The following SGSM1 variants were observed in gnomAD, a reference collection of about 807,000 sequenced individuals.
SGSM1 encodes the protein small G protein signaling modulator 1.
SGSM1 carries 73 observed loss-of-function variants against 133.8 expected under a neutral mutation model. The observed-to-expected ratio is 0.55, with a 90% confidence interval of 0.45 to 0.66. The LOEUF (loss-of-function observed/expected upper bound fraction) is 0.66, where lower values mean the gene tolerates loss of function less well. Among genes scored for constraint, SGSM1 ranks in the 30% least tolerant of loss-of-function variants. The pLI is 0.00. For missense variants in SGSM1, 1,213 were observed against 1,448.1 expected (o/e 0.84, Z 2.64); for synonymous variants, 563 against 573.0 (o/e 0.98, Z 0.25).
chr22:24,917,150 C>T (rs889101032), intron 22 of SGSM1, among the ~76,000 whole-genome samples: 5 of 151,102 alleles, frequency 3.3e-5, no homozygotes, highest in East Asian at 1.9e-4. Context: ...GCCTTGGCCT[C>T]GCAAAGTGCT....
intron 2 of SGSM1, among the ~76,000 whole-genome samples, chr22:24,807,222 G>A (rs974326436): frequency 6.6e-6 from 1 of 152,150 alleles, no homozygotes; most frequent in Non-Finnish European, 1.5e-5. Context: ...AGAATTTATA[G>A]TCCTTGGGGT....
At chr22:24,855,178 TTCTAGCTGGC>T in intron 6 of SGSM1, 97 bp from the exon 7 acceptor site, 1 of 1,549,638 alleles carries the variant, frequency 6.5e-7, no homozygotes, top group South Asian at 1.2e-5. Context: ...TGCAGCACTG[TTCTAGCTGGC>T]TGGAGGGGAG....
intron 2 of SGSM1, among the ~76,000 whole-genome samples, chr22:24,816,768 A>G (rs768159699): frequency 7.9e-5 from 12 of 152,086 alleles, no homozygotes; most frequent in Admixed American, 2.6e-4. Flanking sequence ...GTCTCTTGCC[A>G]TCTCTCTGCA....
At chr22:24,872,697 T>G (rs937915976) in intron 12 of SGSM1, among the ~76,000 whole-genome samples, 1 of 152,094 alleles carries the variant, frequency 6.6e-6, no homozygotes, top group Non-Finnish European at 1.5e-5. Flanking sequence ...GGCAGGCAGA[T>G]CACGAGGTCA....
At chr22:24,883,335 T>C (rs922877858) in intron 14 of SGSM1, among the ~76,000 whole-genome samples, 6 of 152,194 alleles carry the variant, frequency 3.9e-5, no homozygotes, top group African/African-American at 1.4e-4. Flanking sequence ...TGGATAAATA[T>C]TCAGCTGCAA....
At chr22:24,869,636 T>C (rs1931666114) in intron 12 of SGSM1, among the ~76,000 whole-genome samples, 1 of 152,208 alleles carries the variant, frequency 6.6e-6, no homozygotes, top group Non-Finnish European at 1.5e-5. Context: ...AAAGATTCAA[T>C]GAGATGATGA....
chr22:24,855,133 A>T (rs1569149158), intron 6 of SGSM1, 70 bp downstream of exon 6: 10 of 1,562,402 alleles, frequency 6.4e-6, no homozygotes, highest in Admixed American at 1.9e-5. Context: ...CTTCTCCAGG[A>T]CTCTCTCACC....
At chr22:24,877,658 C>T (rs1003878376) in intron 13 of SGSM1, among the ~76,000 whole-genome samples, 6 of 151,952 alleles carry the variant, frequency 3.9e-5, no homozygotes, top group Non-Finnish European at 5.9e-5. Context: ...GGGTGTGGTC[C>T]GTGAACCAGC....
chr22:24,868,678 G>C (rs370703063), intron 11 of SGSM1, 45 bp from the exon 12 acceptor site: 78 of 1,610,290 alleles, frequency 4.8e-5, no homozygotes, highest in Non-Finnish European at 6.5e-5. Context: ...AAGTTGTGGG[G>C]ACAGATGTGT....
chr22:24,864,424 A>G (rs951783846), intron 9 of SGSM1, among the ~76,000 whole-genome samples: 1 of 152,238 alleles, frequency 6.6e-6, no homozygotes, highest in Non-Finnish European at 1.5e-5. Context: ...AGCAACCCAG[A>G]TGCCCATCAA....
intron 12 of SGSM1, among the ~76,000 whole-genome samples, chr22:24,869,789 C>A (rs1476446169): frequency 6.6e-6 from 1 of 152,270 alleles, no homozygotes; most frequent in South Asian, 2.1e-4. Context: ...GCAGGTTGCA[C>A]GGTGCCTGCC....
chr22:24,844,611 G>A (rs1929986794), intron 2 of SGSM1: 4 of 418,686 alleles, frequency 9.6e-6, no homozygotes, highest in Non-Finnish European at 1.3e-5. Context: ...GCCTTAGACA[G>A]TGTGGTCAGG....
At chr22:24,814,007 A>T (rs1312681489) in intron 2 of SGSM1, 1 of 152,238 alleles carries the variant, frequency 6.6e-6, no homozygotes, top group East Asian at 1.9e-4. Flanking sequence ...GGCTCCTAAC[A>T]GGTCCCTTCT....
At chr22:24,835,492 A>T (rs1465722738) in intron 2 of SGSM1, among the ~76,000 whole-genome samples, 1 of 152,132 alleles carries the variant, frequency 6.6e-6, no homozygotes, top group East Asian at 1.9e-4. Flanking sequence ...AAGCAAAATC[A>T]TGTAGCGTGG....
chr22:24,880,799 C>T (rs1314036830), intron 14 of SGSM1, among the ~76,000 whole-genome samples: 4 of 152,180 alleles, frequency 2.6e-5, no homozygotes, highest in Non-Finnish European at 5.9e-5. Context: ...TGACTGAGAA[C>T]CTGAGTTCTG....
In SGSM1 at chr22:24,905,052, G is replaced by A. The variant is rs1210774492; in HGVS notation, c.2736-53G>A. On this transcript the variant is annotated intron_variant, in intron 20 of 24. Transcript: ENST00000400358. ...AGCAGGAGGAACAGAAGGTGGAGTGGGTTGGAGAGGCAGGCCACGGCTGCC... is the reference window on the plus strand; with the variant it reads ...AGCAGGAGGAACAGAAGGTGGAGTGAGTTGGAGAGGCAGGCCACGGCTGCC... 13 of 1,488,838 alleles carry A rather than the reference G, an allele frequency of 8.7e-6. No individual in the cohort carries two copies. The Admixed American group carries it at 2.0e-4, about 23-fold the overall frequency. 92.2% of individuals were successfully genotyped at this position (1,488,838 alleles called of 1,614,324 possible). A position where few individuals can be genotyped will look rare whatever the true frequency, so the allele number is the denominator to read the frequency against.
intron 18 of SGSM1, among the ~76,000 whole-genome samples, chr22:24,896,241 A>C (rs532911513): frequency 6.6e-6 from 1 of 152,234 alleles, no homozygotes; most frequent in Non-Finnish European, 1.5e-5. Context: ...ATTTCCTTGA[A>C]TATGCCTTGC....
chr22:24,896,910 G>T (rs1932928905), intron 18 of SGSM1, among the ~76,000 whole-genome samples: 1 of 152,124 alleles, frequency 6.6e-6, no homozygotes, highest in Admixed American at 6.5e-5. Context: ...CCGGGAGGCG[G>T]AGGTTGTGGT....
chr22:24,876,793 C>T, intron 13 of SGSM1, 78 bp downstream of exon 13: 4 of 1,572,848 alleles, frequency 2.5e-6, no homozygotes, highest in Non-Finnish European at 3.5e-6. Context: ...TCTTACCCTG[C>T]ACTGAATTCA....
Sources: allele counts gnomAD v4.1 joint callset (sites outside exome capture counted in the v4.1 genomes callset), GRCh38; gene constraint gnomAD v4.1.1; transcripts MANE v1.5; gene names NCBI Gene and HGNC (gene_info 2026-07-23, HGNC 2026-07-21).